Variants in TMPRSS7 observed in about 807,000 individuals in gnomAD.
The protein encoded by TMPRSS7 is transmembrane protease serine 7.
Under a neutral mutation model 95.6 loss-of-function variants are expected in TMPRSS7, and 81 were observed. The ratio of observed to expected loss-of-function variants is 0.85; its 90% confidence interval spans 0.71 to 1.02. The LOEUF is 1.02. TMPRSS7 is among the 50% of genes least tolerant of loss of function. The pLI is 0.00. For synonymous variants in TMPRSS7, 364 were observed against 337.8 expected (o/e 1.08, Z -0.85); for missense variants, 945 against 955.2 (o/e 0.99, Z 0.14).
intron 4 of TMPRSS7, among the ~76,000 whole-genome samples, chr3:112,044,535 T>C (rs2073252649): frequency 6.6e-6 from 1 of 152,156 alleles, no homozygotes; most frequent in East Asian, 1.9e-4. Context: ...CTTCTCCCCA[T>C]AGCTAGAATC....
In TMPRSS7 at chr3:112,041,918, A is replaced by G; in HGVS notation, c.299-2A>G. 6.5e-7 allele frequency: 1 copy of G among 1,526,736 alleles called. No individual in the cohort carries two copies. The highest frequency in any genetic ancestry group is 8.9e-7 in the Non-Finnish European group (1 of 1,124,450). The allele number at this position is 1,526,736 out of a possible 1,614,324, so 94.6% of individuals were successfully genotyped here. A position where few individuals can be genotyped will look rare whatever the true frequency, so the allele number is the denominator to read the frequency against. On this transcript the variant is annotated splice_acceptor_variant, in intron 2 of 17. Coordinates refer to ENST00000452346, the Ensembl canonical transcript of TMPRSS7. LOFTEE classifies it high-confidence loss of function. ...CGAATCTTGTTCTTTCCTATTTTACAGGTAAAACAGAAAGCAAAGATGCTT... is the reference window on the plus strand; with the variant it reads ...CGAATCTTGTTCTTTCCTATTTTACGGGTAAAACAGAAAGCAAAGATGCTT...
chr3:112,041,293 G>A (rs1272631189), intron 2 of TMPRSS7, among the ~76,000 whole-genome samples: 1 of 152,026 alleles, frequency 6.6e-6, no homozygotes, highest in Non-Finnish European at 1.5e-5. Context: ...CACTTCCTAG[G>A]GCTAAAGTGA....
chr3:112,078,638 T>C, intron 16 of TMPRSS7, 104 bp from the exon 17 acceptor site: 2 of 1,436,848 alleles, frequency 1.4e-6, no homozygotes, highest in Non-Finnish European at 1.9e-6. Flanking sequence ...GAATTGCCGC[T>C]ATGAGGGTAA....
At chr3:112,063,898 G>A (rs374926833) in intron 12 of TMPRSS7, among the ~76,000 whole-genome samples, 1 of 152,160 alleles carries the variant, frequency 6.6e-6, no homozygotes, top group Non-Finnish European at 1.5e-5. Context: ...TCCAATATTG[G>A]AATCAGCTCT....
chr3:112,041,407 C>G (rs2073206778), intron 2 of TMPRSS7, among the ~76,000 whole-genome samples: 1 of 152,098 alleles, frequency 6.6e-6, no homozygotes, highest in Non-Finnish European at 1.5e-5. Context: ...TGTGCTGGGC[C>G]TTGTGCTAAG....
At chr3:112,056,917 G>C in intron 9 of TMPRSS7, 108 bp from the exon 10 acceptor site, 1 of 688,706 alleles carries the variant, frequency 1.5e-6, no homozygotes, top group Non-Finnish European at 2.4e-6. Context: ...ACCCCACTAA[G>C]GGCCACAGGG....
At chr3:112,051,688 T>C (rs1224645719) in intron 9 of TMPRSS7, among the ~76,000 whole-genome samples, 2 of 151,154 alleles carry the variant, frequency 1.3e-5, no homozygotes, top group African/African-American at 4.9e-5. Flanking sequence ...TCTATCTATC[T>C]ATCTATCTCT....
At position 112,046,595 on chromosome 3, in the gene TMPRSS7, A is replaced by C. The variant is rs371540368; in HGVS notation, c.692-379A>C. 1.4e-4 allele frequency among the ~76,000 whole-genome samples: 21 copies of C among 152,330 alleles called. No homozygotes were observed. In the East Asian group the frequency reaches 3.9e-3, roughly 28 times the overall value. On this transcript the variant is annotated intron_variant, in intron 5 of 17. Coordinates refer to ENST00000452346, the Ensembl canonical transcript of TMPRSS7. ...ACAAATATTTGTTAAATAAAGGAAA[A>C]ATCTCATAGAAAATTCTGTATCTCA...
At chr3:112,059,002 C>G (rs1014487916) in intron 10 of TMPRSS7, among the ~76,000 whole-genome samples, 1 of 152,188 alleles carries the variant, frequency 6.6e-6, no homozygotes, top group Non-Finnish European at 1.5e-5. Flanking sequence ...AACTAGACAC[C>G]TTGCTGAGCA....
At chr3:112,064,775 A>G (rs1414705770) in intron 12 of TMPRSS7, among the ~76,000 whole-genome samples, 1 of 152,138 alleles carries the variant, frequency 6.6e-6, no homozygotes, top group Non-Finnish European at 1.5e-5. Context: ...TTGGGTGGAG[A>G]ATCTCTGTCT....
chr3:112,046,866 G>GTGTT, intron 5 of TMPRSS7, 108 bp from the exon 6 acceptor site: 1 of 678,130 alleles, frequency 1.5e-6, no homozygotes, highest in Non-Finnish European at 2.7e-6. Context: ...AATCCCAGAT[G>GTGTT]TGTTTGATTG....
intron 6 of TMPRSS7, chr3:112,047,288 C>A (rs2073291041): frequency 1.7e-6 from 1 of 601,996 alleles, no homozygotes; most frequent in Non-Finnish European, 3.0e-6. Flanking sequence ...CCTTCTTTAT[C>A]AAGTGTGCTC....
At chr3:112,062,024 A>T in intron 11 of TMPRSS7, 101 bp downstream of exon 11, 1 of 769,406 alleles carries the variant, frequency 1.3e-6, no homozygotes, top group Non-Finnish European at 1.8e-6. Flanking sequence ...ATACTGCTTT[A>T]TTTCTGCTAT....
intron 10 of TMPRSS7, among the ~76,000 whole-genome samples, chr3:112,060,879 AT>A (rs371038321): frequency 0.043 from 6,476 of 152,258 alleles, 420 homozygotes; most frequent in African/African-American, 0.14. Context: ...ATGTTTAGAG[AT>A]TTGCAGTAAA....
intron 17 of TMPRSS7, among the ~76,000 whole-genome samples, chr3:112,080,572 TACCACC>T (rs3082394): frequency 6.6e-6 from 1 of 150,518 alleles, no homozygotes; most frequent in South Asian, 2.1e-4. Context: ...CTACTACTAT[TACCACC>T]ACCACCACCA....
In TMPRSS7 at chr3:112,075,304, C is replaced by G. The variant is rs2107762990; in HGVS notation, c.1784-17C>G. 1 of 1,398,934 alleles carries G rather than the reference C, an allele frequency of 7.1e-7. No individual in the cohort carries two copies. Among genetic ancestry groups the G allele is most frequent in the East Asian group, 2.7e-5 (1 of 36,564 alleles). The allele number at this position is 1,398,934 out of a possible 1,614,324, so 86.7% of individuals were successfully genotyped here. Reference sequence around the variant, plus strand: ...TCCAAGTCTACCTTTAAATCACATGCCCTTTCTCCACCAAAGCCTGCAGCA... The same window carrying G: ...TCCAAGTCTACCTTTAAATCACATGGCCTTTCTCCACCAAAGCCTGCAGCA... On this transcript the variant is annotated splice_polypyrimidine_tract_variant and intron_variant, in intron 14 of 17. Transcript: ENST00000452346.
chr3:112,063,608 G>A, exon 12 of TMPRSS7: 1 of 1,614,022 alleles, frequency 6.2e-7, no homozygotes, highest in Non-Finnish European at 8.5e-7. Context: ...TGACTGCTTT[G>A]ATGAAAGTGA....
At chr3:112,072,944 C>A (rs1422387155) in intron 13 of TMPRSS7, among the ~76,000 whole-genome samples, 1 of 152,188 alleles carries the variant, frequency 6.6e-6, no homozygotes, top group Non-Finnish European at 1.5e-5. Flanking sequence ...AATGGGATTG[C>A]TGGGTCAAAT....
chr3:112,038,380 G>A, intron 2 of TMPRSS7, 59 bp downstream of exon 2: 2 of 667,104 alleles, frequency 3.0e-6, no homozygotes, highest in East Asian at 5.4e-5. Context: ...TCCAGCATTA[G>A]CAATGCAGCC....
Sources: allele counts gnomAD v4.1 joint callset (sites outside exome capture counted in the v4.1 genomes callset), GRCh38; gene constraint gnomAD v4.1.1; transcripts MANE v1.5; gene names NCBI Gene and HGNC (gene_info 2026-07-23, HGNC 2026-07-21).